Variants in TSEN34 observed in about 807,000 individuals in gnomAD.
TSEN34 encodes the protein tRNA-splicing endonuclease subunit Sen34.
Under a neutral mutation model 30.2 loss-of-function variants are expected in TSEN34, and 25 were observed. The observed-to-expected ratio is 0.83, with a 90% CI of 0.60 to 1.16. TSEN34 has a LOEUF of 1.16. Among genes scored for constraint, TSEN34 ranks in the 50% most tolerant of loss-of-function variants. The pLI is 0.00. For missense variants in TSEN34, 475 were observed against 411.9 expected (o/e 1.15, Z -1.33); for synonymous variants, 209 against 177.4 (o/e 1.18, Z -1.41).
Position 54,191,485 on chromosome 19 carries a change from C to T in TSEN34, c.121C>T (p.Arg41Cys). The T allele has an allele frequency of 6.4e-7, 1 of 1,559,746 alleles. No homozygotes were observed. Among genetic ancestry groups the T allele is most frequent in the South Asian group, 1.2e-5 (1 of 86,812 alleles). ...RTVGALPRGP[R>C]QNSRLGLPLL... ...GGTAGGCGCCCTGCCCCGCGGGCCC[C>T]GCCAGAACTCGCGCCTGGGCCTCCC... is the stretch of plus-strand genomic sequence containing the variant. The change falls in exon 1 of 4, where the codon CGC becomes TGC. Residue 41 changes from arginine to cysteine, a missense_variant. Arg to Cys is a radical substitution (Grantham distance 180). Transcript: ENST00000396388.
At chr19:54,190,366 T>A, upstream of TSEN34, 2 of 1,517,720 alleles carry the variant, frequency 1.3e-6, no homozygotes, top group Non-Finnish European at 1.8e-6. Context: ...AATTACTGTT[T>A]ATGAGGTGAC....
intron 3 of TSEN34, among the ~76,000 whole-genome samples, 166 bp from the exon 4 acceptor site, chr19:54,193,005 CAAAA>C (rs4006644): frequency 1.0e-5 from 1 of 99,232 alleles, no homozygotes; most frequent in Non-Finnish European, 2.0e-5. Context: ...GACTTTGTCT[CAAAA>C]AAAAAAAAAA....
chr19:54,190,860 G>C (rs951134338), upstream of TSEN34: 1 of 1,047,010 alleles, frequency 9.6e-7, no homozygotes, highest in Non-Finnish European at 1.1e-6. Flanking sequence ...GAAGGCTCGA[G>C]CGTCCGGAAG....
chr19:54,190,325 G>T, upstream of TSEN34: 2 of 1,507,796 alleles, frequency 1.3e-6, no homozygotes, highest in Non-Finnish European at 1.8e-6. Context: ...GCGTGGCGCG[G>T]TGCGCAGTGG....
At chr19:54,190,458 C>T (rs1225423145), upstream of TSEN34, 5 of 1,384,514 alleles carry the variant, frequency 3.6e-6, no homozygotes, top group Non-Finnish European at 4.7e-6. Context: ...GGGGTGAGCC[C>T]GCCCGAGCGG....
At chr19:54,192,762 T>C (rs985461805) in intron 3 of TSEN34, among the ~76,000 whole-genome samples, 1 of 152,180 alleles carries the variant, frequency 6.6e-6, no homozygotes, top group Non-Finnish European at 1.5e-5. Flanking sequence ...CCCAACACTT[T>C]GGGAGGCCAA....
chr19:54,193,490 T>G lies in TSEN34; in HGVS notation c.*128T>G, dbSNP rs2076785296. 1 of 1,550,706 alleles carries G rather than the reference T, an allele frequency of 6.4e-7. No individual in the cohort carries two copies. Among genetic ancestry groups the G allele is most frequent in the Admixed American group, 2.0e-5 (1 of 50,988 alleles). Reference sequence around the variant, plus strand: ...GCGGTTAGTTTTTGATTCCAGGTTTTCGAACACTACATCTTTTTTATGTTC... The same window carrying G: ...GCGGTTAGTTTTTGATTCCAGGTTTGCGAACACTACATCTTTTTTATGTTC... On this transcript the variant is annotated 3_prime_UTR_variant, in exon 4 of 4. Coordinates refer to ENST00000396388, the MANE Select transcript of TSEN34 (RefSeq NM_001077446.4).
chr19:54,191,749 A>G lies in TSEN34; in HGVS notation c.272A>G (p.Glu91Gly), dbSNP rs888570033. Residue 91 changes from glutamate to glycine, a missense_variant, in exon 2 of 4, where the codon GAG becomes GGG. Transcript: ENST00000396388. ...LALTSFKRQQ[E>G]ESFQEQSALA... is the part of the protein sequence containing the mutation. ...CTGACATCCTTCAAGCGCCAGCAAG[A>G]GGAGAGCTTCCAGGAGCAGAGCGCC... The G allele has an allele frequency of 3.1e-6, 5 of 1,613,984 alleles. No homozygotes were observed. The highest frequency in any genetic ancestry group is 4.5e-5 in the East Asian group (2 of 44,882).
Position 54,193,663 on chromosome 19 carries a change from T to C in TSEN34, c.*301T>C, listed in dbSNP as rs763152988. On this transcript the variant is annotated 3_prime_UTR_variant, in exon 4 of 4. Transcript: ENST00000396388. The stretch of plus-strand genomic sequence containing the variant: ...GGTCTCAATAAACTTGGTATATAAA[T>C]GTTCATGATTTGAATGTTTGCGACA... The C allele has an allele frequency of 2.1e-6, 2 of 933,612 alleles. No individual in the cohort carries two copies. The highest frequency in any genetic ancestry group is 1.4e-5 in the South Asian group (1 of 72,066). 57.8% of individuals were successfully genotyped at this position (933,612 alleles called of 1,614,324 possible).
chr19:54,189,969 G>C (rs776968354), upstream of TSEN34: 1 of 401,514 alleles, frequency 2.5e-6, no homozygotes, highest in Non-Finnish European at 4.5e-6. Flanking sequence ...TAGATAGTTG[G>C]GTACAAGTGA....
chr19:54,190,913 C>G, upstream of TSEN34: 1 of 1,049,882 alleles, frequency 9.5e-7, no homozygotes, highest in Non-Finnish European at 1.1e-6. Context: ...GAGCTTCTGA[C>G]CGCTGACGGG....
Position 54,193,156 on chromosome 19 carries a change from G to A in TSEN34, c.746-19G>A. ...GTCTGCCATTGGTCACTGCTTCAGT[G>A]CCTCTCTCCTTCCCCCAGGTGACCC... On this transcript the variant is annotated intron_variant, in intron 3 of 3. Coordinates refer to ENST00000396388, the MANE Select transcript of TSEN34 (RefSeq NM_001077446.4). The A allele has an allele frequency of 1.9e-6, 3 of 1,612,496 alleles. No individual in the cohort carries two copies. Among genetic ancestry groups the A allele is most frequent in the Non-Finnish European group, 2.5e-6 (3 of 1,179,934 alleles).
At chr19:54,190,834 C>T, upstream of TSEN34, 4 of 1,057,944 alleles carry the variant, frequency 3.8e-6, no homozygotes, top group Non-Finnish European at 4.6e-6. Context: ...CACAGTCGTT[C>T]GGAAAGAGGA....
In TSEN34 at chr19:54,193,608, T is replaced by C. The variant is rs1568858843; in HGVS notation, c.*246T>C. 1 of 1,367,186 alleles carries C rather than the reference T, an allele frequency of 7.3e-7. No individual in the cohort carries two copies. Among genetic ancestry groups the C allele is most frequent in the Admixed American group, 2.0e-5 (1 of 50,762 alleles). The allele number at this position is 1,367,186 out of a possible 1,614,324, so 84.7% of individuals were successfully genotyped here. ...GAGAATGGGGCCTGGGTTTGATTCA[T>C]CTGTTTTCTACAGGGTTTAAGTCTC... On this transcript the variant is annotated 3_prime_UTR_variant, in exon 4 of 4. Coordinates refer to ENST00000396388, the MANE Select transcript of TSEN34 (RefSeq NM_001077446.4).
At chr19:54,191,139 T>C (rs1159062049), upstream of TSEN34, 12 of 1,351,046 alleles carry the variant, frequency 8.9e-6, no homozygotes, top group Admixed American at 2.6e-4. Context: ...CGGGGGCTTG[T>C]CTCCGGCGTC....
At position 54,191,753 on chromosome 19, in the gene TSEN34, G is replaced by C. The variant is rs768118458; in HGVS notation, c.276G>C (p.Glu92Asp). The change falls in exon 2 of 4, where the codon GAG becomes GAC. Residue 92 changes from glutamate to aspartate, a missense_variant. Coordinates refer to ENST00000396388, the MANE Select transcript of TSEN34 (RefSeq NM_001077446.4). ...ALTSFKRQQE[E>D]SFQEQSALAA... ...CATCCTTCAAGCGCCAGCAAGAGGA[G>C]AGCTTCCAGGAGCAGAGCGCCTTGG... The C allele has an allele frequency of 1.2e-6, 2 of 1,614,166 alleles. No homozygotes were observed. Among genetic ancestry groups the C allele is most frequent in the Admixed American group, 3.3e-5 (2 of 60,032 alleles).
upstream of TSEN34, chr19:54,190,265 G>A (rs941514335): frequency 6.9e-6 from 8 of 1,156,736 alleles, no homozygotes; most frequent in African/African-American, 9.3e-5. Context: ...TGATGGGGCG[G>A]GATGACGAAG....
In TSEN34 at chr19:54,194,269, A is replaced by G. The variant is rs190906578; in HGVS notation, c.*907A>G. The stretch of plus-strand genomic sequence containing the variant: ...GAAAGGAAATGAGTATTGTAATTTT[A>G]GGAGTTCAGAGCCTGGGGAGAAAGG... On this transcript the variant is annotated 3_prime_UTR_variant, in exon 4 of 4. Coordinates refer to ENST00000396388, the MANE Select transcript of TSEN34 (RefSeq NM_001077446.4). 4.6e-5 allele frequency: 7 copies of G among 152,150 alleles called. No homozygotes were observed. Among genetic ancestry groups the G allele is most frequent in the East Asian group, 1.9e-4 (1 of 5,184 alleles). 9.4% of individuals were successfully genotyped at this position (152,150 alleles called of 1,614,324 possible). A position where few individuals can be genotyped will look rare whatever the true frequency, so the allele number is the denominator to read the frequency against.
At chr19:54,190,594 G>T (rs1300769303), upstream of TSEN34, 3 of 1,244,008 alleles carry the variant, frequency 2.4e-6, no homozygotes, top group African/African-American at 1.6e-5. Context: ...CGAGGCTGCC[G>T]GGAGCCGATG....
Sources: gnomAD v4.1 joint callset for allele counts (sites outside exome capture counted in the v4.1 genomes callset) on GRCh38, gnomAD v4.1.1 for gene constraint, MANE v1.5 for transcripts, NCBI Gene and HGNC (gene_info 2026-07-23, HGNC 2026-07-21) for gene names.